Variants in HELZ observed in about 807,000 individuals in gnomAD.
The protein encoded by HELZ is ATP-dependent RNA helicase with zinc finger domain.
In HELZ, 23 loss-of-function variants were observed where a neutral mutation model predicts 218.2. The ratio of observed to expected loss-of-function variants is 0.11; its 90% CI spans 0.08 to 0.15. The LOEUF is 0.15. Ranked by LOEUF, HELZ falls within the 10% of genes least tolerant of loss-of-function variation. The pLI is 1.00. For missense variants in HELZ, 1,813 were observed against 2,353.7 expected (o/e 0.77, Z 4.75); for synonymous variants, 814 against 829.4 (o/e 0.98, Z 0.32).
rs371288304 is a variant in HELZ at position 67,166,091 on chromosome 17, T to C, written c.1895+387A>G. On this transcript the variant is annotated intron_variant, in intron 15 of 32. Transcript: ENST00000358691. ...TCAAGGCTGTAATGAGCAATGATCA[T>C]GCCACTACACTTCAGCCTGCATGAC... is the stretch of plus-strand genomic sequence containing the variant. Among the ~76,000 whole-genome samples the C allele has an allele frequency of 3.3e-4, 51 of 152,282 alleles. 2 individuals are homozygous for C. In the South Asian group the frequency reaches 1.0e-2, roughly 30 times the overall value.
intron 31 of HELZ, among the ~76,000 whole-genome samples, chr17:67,089,694 G>GAGAGAGAC (rs60975443): frequency 0.012 from 1,164 of 99,954 alleles, 35 homozygotes; most frequent in East Asian, 0.061. Flanking sequence ...GAGAGAGAGA[G>GAGAGAGAC]AGAGAGACAG....
chr17:67,085,021 C>A (rs1177776227), intron 32 of HELZ, among the ~76,000 whole-genome samples: 1 of 150,980 alleles, frequency 6.6e-6, no homozygotes, highest in Non-Finnish European at 1.5e-5. Flanking sequence ...CAGGAGGAAT[C>A]GCTTCAGCCC....
At chr17:67,089,286 G>A (rs749431790) in intron 31 of HELZ, among the ~76,000 whole-genome samples, 1 of 152,020 alleles carries the variant, frequency 6.6e-6, no homozygotes, top group Non-Finnish European at 1.5e-5. Context: ...TAGTATAAAC[G>A]ATAACCTTTT....
In HELZ at chr17:67,070,838, T is replaced by C. The variant is rs2035868765; in HGVS notation, c.*7414A>G. The C allele has an allele frequency of 6.6e-6, 1 of 152,168 alleles. No homozygotes were observed. Among genetic ancestry groups the C allele is most frequent in the Non-Finnish European group, 1.5e-5 (1 of 68,024 alleles). 9.4% of individuals were successfully genotyped at this position (152,168 alleles called of 1,614,324 possible). ...ATTTAGATGGCTGTATAACTGGTAC[T>C]TTGAAGAGATGAACCTGACCACCTC... On this transcript the variant is annotated 3_prime_UTR_variant, in exon 33 of 33. Transcript: ENST00000358691.
In HELZ at chr17:67,076,892, C is replaced by G. The variant is rs1035590820; in HGVS notation, c.*1360G>C. The G allele has an allele frequency of 4.0e-5, 6 of 151,892 alleles. No individual in the cohort carries two copies. The highest frequency in any genetic ancestry group is 6.6e-5 in the Admixed American group (1 of 15,240). The allele number at this position is 151,892 out of a possible 1,614,324, so 9.4% of individuals were successfully genotyped here. A position where few individuals can be genotyped will look rare whatever the true frequency, so the allele number is the denominator to read the frequency against. On this transcript the variant is annotated 3_prime_UTR_variant, in exon 33 of 33. Transcript: ENST00000358691. ...AGTTTATATTGTAGTTTCGAGATAC[C>G]TCTGAAATATAAAAGTAGTATTACA... is the stretch of plus-strand genomic sequence containing the variant.
At chr17:67,169,836 G>A (rs117013821) in intron 13 of HELZ, among the ~76,000 whole-genome samples, 1,650 of 152,234 alleles carry the variant, frequency 0.011, 19 homozygotes, top group South Asian at 0.018. Flanking sequence ...TGAAATTAAC[G>A]AGTTACATGC....
chr17:67,189,714 TTTATG>T lies in HELZ; in HGVS notation c.757-23_757-19del, dbSNP rs1353840233. ...TCACTAAGCTGAAAACAGACAGCAATTTATGTTATGTTTTTATTGCTAAGGGCACA... is the reference window on the plus strand; with the variant it reads ...TCACTAAGCTGAAAACAGACAGCAATTTATGTTTTTATTGCTAAGGGCACA... On this transcript the variant is annotated intron_variant, in intron 10 of 32. Transcript: ENST00000358691. 1.3e-6 allele frequency: 2 copies of T among 1,484,248 alleles called. No individual in the cohort carries two copies. The highest frequency in any genetic ancestry group is 1.9e-6 in the Non-Finnish European group (2 of 1,062,766). 91.9% of individuals were successfully genotyped at this position (1,484,248 alleles called of 1,614,324 possible).
In HELZ at chr17:67,108,703, G is replaced by A. The variant is rs202210643; in HGVS notation, c.4513C>T (p.Leu1505=). 4,018 of 1,611,602 alleles carry A rather than the reference G, an allele frequency of 2.5e-3. 14 individuals carry two copies. Among genetic ancestry groups the A allele is most frequent in the Non-Finnish European group, 3.1e-3 (3,602 of 1,178,020 alleles). ...GCCTGCTGCTGCCTTAATGTTTCCAGAGCGACACTCCCATGTATACGATCT... is the reference window on the plus strand; with the variant it reads ...GCCTGCTGCTGCCTTAATGTTTCCAAAGCGACACTCCCATGTATACGATCT... ...ALDRIHGSVA[L]ETLRQQQARF... The change falls in exon 30 of 33, where the codon CTG becomes TTG. Residue 1505 remains leucine, a synonymous_variant. Coordinates refer to ENST00000358691, the MANE Select transcript of HELZ (RefSeq NM_014877.4). The surrounding 1 kb of genome is among the most constrained non-coding windows in gnomAD (Gnocchi z 4.1).
chr17:67,205,764 ATTTCATTTT>A (rs1429807418), intron 5 of HELZ, among the ~76,000 whole-genome samples: 1 of 152,226 alleles, frequency 6.6e-6, no homozygotes, highest in Non-Finnish European at 1.5e-5. Context: ...TATTTGCTGA[ATTTCATTTT>A]GCAAGTTTCT....
At chr17:67,121,384 T>C (rs552397842) in intron 26 of HELZ, among the ~76,000 whole-genome samples, 1 of 152,338 alleles carries the variant, frequency 6.6e-6, no homozygotes, top group Admixed American at 6.5e-5. Context: ...TTAAAGCAGA[T>C]GATGTATAGT....
At chr17:67,159,509 G>C (rs767936597) in intron 17 of HELZ, among the ~76,000 whole-genome samples, 11 of 152,058 alleles carry the variant, frequency 7.2e-5, no homozygotes, top group Non-Finnish European at 1.6e-4. Flanking sequence ...ATAAACAATT[G>C]TATTCAAACA....
chr17:67,236,258 C>T (rs2041182734), intron 3 of HELZ, among the ~76,000 whole-genome samples: 1 of 152,150 alleles, frequency 6.6e-6, no homozygotes, highest in Non-Finnish European at 1.5e-5. Context: ...TTCACAAAAA[C>T]TTCTGAAGAA....
Position 67,148,583 on chromosome 17 carries a change from A to G in HELZ, c.2607T>C (p.His869=). ...TTCACACCTACTTGATGATAGCTTC[A>G]TGGGAGCGGTAGTTCTCACACAGGA... ...RILLCENYRS[H]EAIINYTSEL... is the part of the protein sequence containing the mutation. Residue 869 remains histidine, a synonymous_variant, in exon 20 of 33, where the codon CAT becomes CAC. Coordinates refer to ENST00000358691, the MANE Select transcript of HELZ (RefSeq NM_014877.4). 6.2e-7 allele frequency: 1 copy of G among 1,613,052 alleles called. No individual in the cohort carries two copies. The highest frequency in any genetic ancestry group is 8.5e-7 in the Non-Finnish European group (1 of 1,179,594).
chr17:67,078,568 T>C lies in HELZ; in HGVS notation c.5513A>G (p.Lys1838Arg), dbSNP rs199927742. Reference sequence around the variant, plus strand: ...CGACTTCAGTTGATCCTCAGGGGGTTTGACAGTCTTGGGTGGCGCTAAAAG... The same window carrying C: ...CGACTTCAGTTGATCCTCAGGGGGTCTGACAGTCTTGGGTGGCGCTAAAAG... ...RELIAPPKTVKPPEDQLKSEN... is the reference protein window; with the variant it reads ...RELIAPPKTVRPPEDQLKSEN... Residue 1838 changes from lysine to arginine, a missense_variant, in exon 33 of 33, where the codon AAA becomes AGA. By Grantham distance (26) the Lys-to-Arg change is conservative. Around this residue, in one of 4 missense-constraint regions of HELZ, gnomAD observed 938 missense variants for 1,027.5 expected, o/e 0.91. Transcript: ENST00000358691. The C allele has an allele frequency of 1.7e-4, 253 of 1,494,442 alleles. No homozygotes were observed. The Middle Eastern group carries it at 2.7e-3, about 16-fold the overall frequency. 92.6% of individuals were successfully genotyped at this position (1,494,442 alleles called of 1,614,324 possible).
chr17:67,212,164 T>C (rs747658396), intron 5 of HELZ, among the ~76,000 whole-genome samples: 1 of 150,900 alleles, frequency 6.6e-6, no homozygotes. Flanking sequence ...TCTACAAAAA[T>C]ATAAAAATTA....
intron 31 of HELZ, among the ~76,000 whole-genome samples, chr17:67,099,733 A>G (rs1422573322): frequency 6.6e-6 from 1 of 152,220 alleles, no homozygotes; most frequent in Non-Finnish European, 1.5e-5. Flanking sequence ...TGTGTATATA[A>G]ATAGATAACT....
chr17:67,232,193 G>A (rs1014129036), intron 3 of HELZ, among the ~76,000 whole-genome samples: 5 of 149,978 alleles, frequency 3.3e-5, no homozygotes, highest in African/African-American at 1.2e-4. Flanking sequence ...ACCCAGGCTA[G>A]AGTGCAGTGG....
At chr17:67,087,862 G>C (rs1180051424) in intron 31 of HELZ, among the ~76,000 whole-genome samples, 1 of 152,174 alleles carries the variant, frequency 6.6e-6, no homozygotes, top group South Asian at 2.1e-4. Context: ...TGTTCAATTT[G>C]TTCTTGCCAG....
intron 5 of HELZ, among the ~76,000 whole-genome samples, chr17:67,213,319 T>C (rs1420212624): frequency 2.0e-5 from 3 of 152,108 alleles, no homozygotes; most frequent in Admixed American, 6.6e-5. Context: ...GAAACTAATC[T>C]GACAGTGTCT....
Sources: allele counts gnomAD v4.1 joint callset (sites outside exome capture counted in the v4.1 genomes callset), GRCh38; gene constraint gnomAD v4.1.1; regional missense constraint gnomAD v4.1.1; non-coding constraint Gnocchi (gnomAD v3.1); transcripts MANE v1.5; gene names NCBI Gene and HGNC (gene_info 2026-07-23, HGNC 2026-07-21).